RAI1: variants seen among roughly 807,000 people sequenced by gnomAD.
The protein encoded by RAI1 is retinoic acid-induced protein 1.
RAI1 carries 9 observed loss-of-function variants against 123.8 expected under a neutral mutation model. That is an observed-to-expected ratio of 0.07 (90% CI 0.04 to 0.13). The LOEUF is 0.13. RAI1 is among the 10% of genes least tolerant of loss of function. The pLI, the probability that RAI1 is intolerant of heterozygous loss-of-function variation, is 1.00. For missense variants in RAI1, 2,256 were observed against 2,545.8 expected, an observed-to-expected ratio of 0.89 and a Z score of 2.45; for synonymous variants, 1,231 against 1,127.3, an observed-to-expected ratio of 1.09 and a Z score of -1.84.
At chr17:17,803,902 G>A in intron 4 of RAI1, 53 bp downstream of exon 4, 7 of 1,544,962 alleles carry the variant, frequency 4.5e-6, no homozygotes, top group Non-Finnish European at 6.3e-6. Flanking sequence ...AAGCAGTCCA[G>A]GGGGACCCTC....
intron 2 of RAI1, chr17:17,778,815 T>C (rs2031450591): frequency 2.2e-6 from 1 of 456,742 alleles, no homozygotes; most frequent in African/African-American, 2.0e-5. Flanking sequence ...GCTAGCTATG[T>C]ACAGCTGGAA....
At chr17:17,736,327 T>C (rs1916432341) in intron 2 of RAI1, among the ~76,000 whole-genome samples, 2 of 152,152 alleles carry the variant, frequency 1.3e-5, no homozygotes, top group Admixed American at 6.5e-5. Context: ...CATCCCAAAC[T>C]CTGACCATTC....
At chr17:17,763,126 TC>T (rs1261956347) in intron 2 of RAI1, among the ~76,000 whole-genome samples, 12 of 152,016 alleles carry the variant, frequency 7.9e-5, no homozygotes, top group Non-Finnish European at 1.6e-4. Context: ...CAACACCGTT[TC>T]CCCCAGATCC....
chr17:17,784,900 G>A (rs1487834409), intron 2 of RAI1, among the ~76,000 whole-genome samples: 4 of 152,110 alleles, frequency 2.6e-5, no homozygotes, highest in Non-Finnish European at 1.5e-5. Context: ...TTTGCTCTTT[G>A]CAGCCCCCCA....
chr17:17,779,238 C>T (rs954605473), intron 2 of RAI1: 1 of 322,412 alleles, frequency 3.1e-6, no homozygotes, highest in Non-Finnish European at 6.1e-6. Context: ...GTGGCTGGCT[C>T]TCCCCGAAGG....
At chr17:17,713,340 C>G (rs960586228) in intron 1 of RAI1, among the ~76,000 whole-genome samples, 1 of 152,062 alleles carries the variant, frequency 6.6e-6, no homozygotes, top group African/African-American at 2.4e-5. Flanking sequence ...GAGATCCTGT[C>G]TCTAAATAAT....
intron 2 of RAI1, among the ~76,000 whole-genome samples, chr17:17,736,961 G>A (rs1187132209): frequency 1.3e-5 from 2 of 152,164 alleles, no homozygotes; most frequent in Non-Finnish European, 2.9e-5. Flanking sequence ...GATGGGATAT[G>A]GCATTTCTGG....
chr17:17,726,712 C>T (rs1916101528), intron 2 of RAI1, among the ~76,000 whole-genome samples: 1 of 136,710 alleles, frequency 7.3e-6, no homozygotes, highest in East Asian at 2.0e-4. Flanking sequence ...TGTAAAATAG[C>T]ATTCACAGAA....
chr17:17,738,548 A>C (rs1443560598), intron 2 of RAI1, among the ~76,000 whole-genome samples: 1 of 151,926 alleles, frequency 6.6e-6, no homozygotes. Flanking sequence ...GGGGCAGAGG[A>C]CTCCAGGGAC....
rs948226122 is a variant in RAI1, at chr17:17,724,012, A to G, written c.-148-16A>G. ...AGAAAGGATTCGTGCGAGCGCTCAC[A>G]TTTGTTTCTCCCAAGGATCTCATCT... On this transcript the variant is annotated splice_polypyrimidine_tract_variant and intron_variant, in intron 1 of 5. Transcript: ENST00000353383. 1.5e-5 allele frequency: 2 copies of G among 134,592 alleles called. No individual in the cohort carries two copies. Among genetic ancestry groups the G allele is most frequent in the African/African-American group, 5.5e-5 (2 of 36,350 alleles). The allele number at this position is 134,592 out of a possible 1,614,324, so 8.3% of individuals were successfully genotyped here.
At chr17:17,768,129 TA>T (rs1428544871) in intron 2 of RAI1, among the ~76,000 whole-genome samples, 1 of 152,184 alleles carries the variant, frequency 6.6e-6, no homozygotes, top group Non-Finnish European at 1.5e-5. Flanking sequence ...ATATGAGGAT[TA>T]AATCATGACC....
chr17:17,728,460 G>T (rs1916164145), intron 2 of RAI1, among the ~76,000 whole-genome samples: 1 of 152,216 alleles, frequency 6.6e-6, no homozygotes, highest in African/African-American at 2.4e-5. Flanking sequence ...GAGAGGAAGA[G>T]GCTGAGAGCA....
At chr17:17,710,155 C>T (rs950637695) in intron 1 of RAI1, among the ~76,000 whole-genome samples, 2 of 152,216 alleles carry the variant, frequency 1.3e-5, no homozygotes, top group South Asian at 4.1e-4. Flanking sequence ...CACACATACA[C>T]TTGGCACCAG....
intron 1 of RAI1, among the ~76,000 whole-genome samples, chr17:17,702,134 G>T (rs559018090): frequency 2.6e-4 from 40 of 152,326 alleles, no homozygotes; most frequent in African/African-American, 8.9e-4. Context: ...TTGGAGTTCA[G>T]CCCTGGCTAG....
intron 1 of RAI1, among the ~76,000 whole-genome samples, chr17:17,706,525 T>C (rs1915398884): frequency 6.6e-6 from 1 of 152,152 alleles, no homozygotes; most frequent in Admixed American, 6.5e-5. Flanking sequence ...AGCCCAGGGC[T>C]GGATGGCCAG....
chr17:17,741,390 C>A (rs968669296), intron 2 of RAI1, among the ~76,000 whole-genome samples: 2 of 152,214 alleles, frequency 1.3e-5, no homozygotes, highest in Non-Finnish European at 2.9e-5. Context: ...CCCTCCCGGG[C>A]CCCTCCATCA....
intron 2 of RAI1, among the ~76,000 whole-genome samples, chr17:17,791,505 A>G (rs2032012269): frequency 6.6e-6 from 1 of 151,798 alleles, no homozygotes; most frequent in Non-Finnish European, 1.5e-5. Context: ...GACCCCTTCA[A>G]CAACCTGGAA....
intron 1 of RAI1, among the ~76,000 whole-genome samples, chr17:17,717,284 G>A (rs1380868544): frequency 6.6e-6 from 1 of 152,156 alleles, no homozygotes; most frequent in Non-Finnish European, 1.5e-5. Context: ...TGGGAACAAG[G>A]GGCAGAGAGA....
intron 2 of RAI1, among the ~76,000 whole-genome samples, chr17:17,751,926 C>A (rs1345883198): frequency 6.6e-6 from 1 of 152,230 alleles, no homozygotes; most frequent in East Asian, 1.9e-4. Context: ...GTCTCCCCAA[C>A]TCCTCCCATA....
Sources: gnomAD v4.1 joint callset for allele counts (sites outside exome capture counted in the v4.1 genomes callset) on GRCh38, gnomAD v4.1.1 for gene constraint, MANE v1.5 for transcripts, NCBI Gene and HGNC (gene_info 2026-07-23, HGNC 2026-07-21) for gene names.